RIMS2: variants seen among roughly 807,000 people sequenced by gnomAD.
RIMS2 encodes the protein regulating synaptic membrane exocytosis 2.
RIMS2 carries 59 observed loss-of-function variants against 174.4 expected under a neutral mutation model. The observed-to-expected ratio is 0.34, with a 90% confidence interval of 0.27 to 0.42. The LOEUF (loss-of-function observed/expected upper bound fraction) is 0.42. Ranked by LOEUF, RIMS2 falls within the 10% of genes least tolerant of loss-of-function variation. The pLI is 1.00. For synonymous variants in RIMS2, 606 were observed against 572.5 expected (o/e 1.06, Z -0.84); for missense variants, 1,620 against 1,666.3 (o/e 0.97, Z 0.48).
intron 3 of RIMS2, among the ~76,000 whole-genome samples, chr8:103,826,815 G>C (rs2098794010): frequency 6.6e-6 from 1 of 151,258 alleles, no homozygotes; most frequent in South Asian, 2.1e-4. Context: ...CCAGTAGCTA[G>C]AACTATTTTT....
At chr8:103,750,270 T>C (rs1344516880) in intron 2 of RIMS2, among the ~76,000 whole-genome samples, 3 of 152,142 alleles carry the variant, frequency 2.0e-5, no homozygotes, top group Non-Finnish European at 2.9e-5. Context: ...CATTACAAAA[T>C]GTGGTGATAT....
chr8:103,779,804 A>C (rs2098365691), intron 3 of RIMS2, among the ~76,000 whole-genome samples: 1 of 150,798 alleles, frequency 6.6e-6, no homozygotes, highest in Non-Finnish European at 1.5e-5. Context: ...CCTAATGTAA[A>C]TGACGAGTTA....
At chr8:103,669,328 A>C (rs888133504) in intron 1 of RIMS2, among the ~76,000 whole-genome samples, 6 of 152,200 alleles carry the variant, frequency 3.9e-5, no homozygotes, top group African/African-American at 1.4e-4. Context: ...GCTACAATTC[A>C]AGATGAGATT....
At chr8:103,539,566 G>A (rs556924918) in intron 1 of RIMS2, among the ~76,000 whole-genome samples, 1 of 152,328 alleles carries the variant, frequency 6.6e-6, no homozygotes, top group South Asian at 2.1e-4. Context: ...CTATCAGTAT[G>A]AGCTATATTG....
At chr8:103,785,627 A>T (rs907489970) in intron 3 of RIMS2, among the ~76,000 whole-genome samples, 1 of 152,146 alleles carries the variant, frequency 6.6e-6, no homozygotes, top group African/African-American at 2.4e-5. Context: ...AGCCCACTTG[A>T]TCATGGTGGA....
At chr8:104,145,356 T>C (rs1200102095) in intron 19 of RIMS2, among the ~76,000 whole-genome samples, 4 of 152,120 alleles carry the variant, frequency 2.6e-5, no homozygotes, top group South Asian at 2.1e-4. Flanking sequence ...CAAACCCTTA[T>C]AAAATTTCTC....
chr8:104,186,299 A>G (rs933742405), intron 19 of RIMS2, among the ~76,000 whole-genome samples: 2 of 151,678 alleles, frequency 1.3e-5, no homozygotes, highest in African/African-American at 4.8e-5. Context: ...TGGGTGATGA[A>G]TACCCTAAAA....
chr8:103,954,925 C>T (rs974355119), intron 14 of RIMS2, among the ~76,000 whole-genome samples: 1 of 152,084 alleles, frequency 6.6e-6, no homozygotes, highest in Non-Finnish European at 1.5e-5. Flanking sequence ...GATATCACTA[C>T]CAATCCCACA....
chr8:103,547,826 A>G (rs1845813170), intron 1 of RIMS2, among the ~76,000 whole-genome samples: 1 of 152,194 alleles, frequency 6.6e-6, no homozygotes, highest in Non-Finnish European at 1.5e-5. Context: ...AACAAAGCAC[A>G]TATTACCACT....
chr8:104,249,430 A>G, intron 21 of RIMS2, 57 bp from the exon 28 acceptor site: 2 of 888,416 alleles, frequency 2.3e-6, no homozygotes, highest in Non-Finnish European at 3.7e-6. Flanking sequence ...CTTTGACTCT[A>G]TTTTCCTTAG....
chr8:103,577,273 A>G (rs2132612768), intron 1 of RIMS2, among the ~76,000 whole-genome samples: 1 of 152,356 alleles, frequency 6.6e-6, no homozygotes, highest in Non-Finnish European at 1.5e-5. Context: ...GGATATGAAC[A>G]GACACTTCTC....
intron 1 of RIMS2, among the ~76,000 whole-genome samples, chr8:103,561,674 A>G (rs1587792832): frequency 6.6e-6 from 1 of 152,224 alleles, no homozygotes; most frequent in Non-Finnish European, 1.5e-5. Context: ...TAGCTTCTTG[A>G]CAGCCATAAA....
intron 19 of RIMS2, among the ~76,000 whole-genome samples, chr8:104,034,215 G>A (rs1394771161): frequency 6.6e-6 from 1 of 152,044 alleles, no homozygotes; most frequent in Non-Finnish European, 1.5e-5. Context: ...TAATACCTGG[G>A]AATTTGCCAT....
intron 19 of RIMS2, among the ~76,000 whole-genome samples, chr8:104,231,439 T>C (rs1047197410): frequency 1.3e-5 from 2 of 152,172 alleles, no homozygotes; most frequent in Non-Finnish European, 2.9e-5. Context: ...GTCTCCAAAG[T>C]TTTGTTCATG....
rs146172221 is a variant in RIMS2, at chr8:103,958,471, G to A, written c.2702-2594G>A. On this transcript the variant is annotated intron_variant, in intron 14 of 23. Coordinates refer to ENST00000504942, the Ensembl canonical transcript of RIMS2. ...TGTTAGATACTGAGCTTAATACCTGGGTGATGAAATATTCTGTAAAACAAA... is the reference window on the plus strand; with the variant it reads ...TGTTAGATACTGAGCTTAATACCTGAGTGATGAAATATTCTGTAAAACAAA... Among the ~76,000 whole-genome samples the A allele has an allele frequency of 3.3e-3, 509 of 152,108 alleles. 2 individuals carry two copies. Among genetic ancestry groups the A allele is most frequent in the African/African-American group, 0.012 (483 of 41,494 alleles).
intron 15 of RIMS2, among the ~76,000 whole-genome samples, chr8:103,963,590 A>C (rs1038727988): frequency 6.6e-6 from 1 of 152,134 alleles, no homozygotes; most frequent in Non-Finnish European, 1.5e-5. Context: ...AGAGGAAGGT[A>C]TACAGATTTC....
intron 19 of RIMS2, among the ~76,000 whole-genome samples, chr8:104,185,074 A>G (rs1393545317): frequency 6.6e-6 from 1 of 151,534 alleles, no homozygotes; most frequent in Non-Finnish European, 1.5e-5. Flanking sequence ...ATGAAGCATA[A>G]TTGCCTTGAT....
At chr8:104,207,463 C>T (rs1297744859) in intron 19 of RIMS2, among the ~76,000 whole-genome samples, 1 of 152,100 alleles carries the variant, frequency 6.6e-6, no homozygotes, top group Non-Finnish European at 1.5e-5. Flanking sequence ...AACCAGGGAA[C>T]ATAATATTCC....
intron 1 of RIMS2, among the ~76,000 whole-genome samples, chr8:103,526,354 T>C (rs1227820637): frequency 1.3e-5 from 2 of 152,216 alleles, no homozygotes; most frequent in Non-Finnish European, 2.9e-5. Context: ...TGGTGGAAGA[T>C]AATACCATCC....
Sources: allele counts gnomAD v4.1 joint callset (sites outside exome capture counted in the v4.1 genomes callset), GRCh38; gene constraint gnomAD v4.1.1; transcripts MANE v1.5; gene names NCBI Gene and HGNC (gene_info 2026-07-23, HGNC 2026-07-21).